The following PCDHA6 variants were observed in gnomAD, a reference collection of about 807,000 sequenced individuals.
PCDHA6 encodes the protein protocadherin alpha-6.
Under a neutral mutation model 60.3 loss-of-function variants are expected in PCDHA6, and 55 were observed. The ratio of observed to expected loss-of-function variants is 0.91; its 90% confidence interval spans 0.73 to 1.14. The LOEUF (loss-of-function observed/expected upper bound fraction) is 1.14, where lower values mean the gene tolerates loss of function less well. PCDHA6 is among the 50% of genes most tolerant of loss of function. The probability of loss-of-function intolerance (pLI) is 0.00; values close to 1 mark genes in which losing one functional copy is unlikely to be tolerated. For synonymous variants in PCDHA6, 652 were observed against 557.9 expected (o/e 1.17, Z -2.38); for missense variants, 1,327 against 1,256.5 (o/e 1.06, Z -0.85).
chr5:140,841,780 G>A (rs2150322576), intron 1 of PCDHA6: 4 of 1,613,890 alleles, frequency 2.5e-6, no homozygotes, highest in East Asian at 2.2e-5. Flanking sequence ...CTCGGTTTCC[G>A]CTAGAGGGCG....
At chr5:140,936,124 C>T (rs2090779585) in intron 1 of PCDHA6, among the ~76,000 whole-genome samples, 1 of 152,130 alleles carries the variant, frequency 6.6e-6, no homozygotes, top group African/African-American at 2.4e-5. Context: ...AACTCCTGAC[C>T]TTAAGTGATC....
At chr5:140,834,495 G>A in intron 1 of PCDHA6, 1 of 1,614,142 alleles carries the variant, frequency 6.2e-7, no homozygotes, top group Non-Finnish European at 8.5e-7. Context: ...GGTCCCCGAG[G>A]AGGCTAAACA....
chr5:140,921,511 C>T (rs1163280621), intron 1 of PCDHA6, among the ~76,000 whole-genome samples: 1 of 152,062 alleles, frequency 6.6e-6, no homozygotes, highest in Non-Finnish European at 1.5e-5. Context: ...TAGTGCCTAA[C>T]CTGAAATAAA....
chr5:140,888,725 T>C (rs1254922405), intron 1 of PCDHA6, among the ~76,000 whole-genome samples: 2 of 152,156 alleles, frequency 1.3e-5, no homozygotes, highest in African/African-American at 4.8e-5. Flanking sequence ...TTTCCAGCCC[T>C]TTGTGAGCTC....
rs2150162331 is a variant in PCDHA6, at chr5:140,829,080, T to C, written c.989T>C (p.Met330Thr). ...GCCACGGACAAAGGCCATCCTCCCA[T>C]GGCGGGTCATTGCACCGTTTTAGTG... ...IDATDKGHPP[M>T]AGHCTVLVRI... Residue 330 changes from methionine (M) to threonine (T), a missense_variant, in exon 1 of 4, where the codon ATG (methionine) becomes ACG (threonine). By Grantham distance (81) the Met-to-Thr change is moderately conservative. Coordinates refer to ENST00000529310, the MANE Select transcript of PCDHA6 (RefSeq NM_018909.4). 15 of 1,611,842 alleles carry C rather than the reference T, an allele frequency of 9.3e-6. No homozygotes were observed. In the African/African-American group the frequency reaches 2.0e-4, roughly 22 times the overall value.
intron 1 of PCDHA6, among the ~76,000 whole-genome samples, chr5:140,972,039 C>A (rs1274808907): frequency 2.6e-5 from 4 of 152,150 alleles, no homozygotes; most frequent in African/African-American, 9.7e-5. Context: ...TTTAAGCTAT[C>A]ACTAATTCAC....
At position 140,829,371 on chromosome 5, in the gene PCDHA6, CG is replaced by C. The variant is rs1770257793; in HGVS notation, c.1281del (p.Arg428GlyfsTer21). ...TCGGCCTATGAGTTGGTGGTAACCG[CG>C]CGGGACGGGGGCTCGCCTTCGCTGT... ...SVSAYELVVT[A>X]RDGGSPSLWA... On this transcript the variant is annotated frameshift_variant, in exon 1 of 4. Coordinates refer to ENST00000529310, the MANE Select transcript of PCDHA6 (RefSeq NM_018909.4). LOFTEE classifies it high-confidence loss of function. The C allele has an allele frequency of 5.6e-6, 9 of 1,614,198 alleles. No homozygotes were observed. The highest frequency in any genetic ancestry group is 6.8e-6 in the Non-Finnish European group (8 of 1,180,050).
intron 1 of PCDHA6, among the ~76,000 whole-genome samples, chr5:140,837,513 T>C (rs1414175460): frequency 1.0e-5 from 1 of 96,810 alleles, no homozygotes. Context: ...CTGAAGCAGT[T>C]TACTTTTTTT....
chr5:140,954,488 T>C (rs1270188262), intron 1 of PCDHA6, among the ~76,000 whole-genome samples: 1 of 152,246 alleles, frequency 6.6e-6, no homozygotes, highest in Non-Finnish European at 1.5e-5. Flanking sequence ...AGATATTTCA[T>C]TGTGGTTTTG....
rs116743674 is a variant in PCDHA6, at chr5:140,927,144, A to G, written c.2395-51805A>G. On this transcript the variant is annotated intron_variant, in intron 1 of 3. Transcript: ENST00000529310. ...TGGTCAGAGAGCCGGCGGACCGCGA[A>G]CAGCTGTGCAGGGCCAAAGCTGCCT... 3.2e-3 allele frequency: 5,191 copies of G among 1,614,096 alleles called. 26 individuals are homozygous for G. The highest frequency in any genetic ancestry group is 0.019 in the African/African-American group (1,449 of 75,034).
In PCDHA6 at chr5:140,936,292, T is replaced by C. The variant is rs74627153; in HGVS notation, c.2395-42657T>C. Among the ~76,000 whole-genome samples the C allele has an allele frequency of 4.3e-3, 649 of 152,348 alleles. 6 individuals are homozygous for C. Among genetic ancestry groups the C allele is most frequent in the African/African-American group, 0.013 (538 of 41,592 alleles). On this transcript the variant is annotated intron_variant, in intron 1 of 3. Transcript: ENST00000529310. Reference sequence around the variant, plus strand: ...TATTCCTGTGTTTTCTTCTATAACATTGCTATCCAATAGAACTTTCTGACA... The same window carrying C: ...TATTCCTGTGTTTTCTTCTATAACACTGCTATCCAATAGAACTTTCTGACA...
rs2058926605 is a variant in PCDHA6, at chr5:140,882,051, AC to A, written c.2394+51567del. The A allele has an allele frequency of 7.9e-6, 6 of 757,556 alleles. No homozygotes were observed. The Admixed American group carries it at 1.6e-4, about 20-fold the overall frequency. 46.9% of individuals were successfully genotyped at this position (757,556 alleles called of 1,614,324 possible). A position where few individuals can be genotyped will look rare whatever the true frequency, so the allele number is the denominator to read the frequency against. ...AAAATATGAAGACTGAGTCATACTT[AC>A]ACTTACACGTTCATGCGCATGGTGT... On this transcript the variant is annotated intron_variant, in intron 1 of 3. Coordinates refer to ENST00000529310, the MANE Select transcript of PCDHA6 (RefSeq NM_018909.4).
At chr5:140,913,734 A>C (rs1408251545) in intron 1 of PCDHA6, among the ~76,000 whole-genome samples, 1 of 152,070 alleles carries the variant, frequency 6.6e-6, no homozygotes, top group African/African-American at 2.4e-5. Context: ...TCCCTCTAAT[A>C]GTACTCCTTT....
At position 140,832,108 on chromosome 5, in the gene PCDHA6, G is replaced by A. The variant is rs1023824002; in HGVS notation, c.2394+1623G>A. The stretch of plus-strand genomic sequence containing the variant: ...TTAAATGCCATGTTCTACATTAAAA[G>A]CAATTTAAAATGTGTGTTTCAAAGT... On this transcript the variant is annotated intron_variant, in intron 1 of 3. Transcript: ENST00000529310. Among the ~76,000 whole-genome samples the A allele has an allele frequency of 1.6e-4, 24 of 152,270 alleles. No homozygotes were observed. The South Asian group carries it at 2.3e-3, about 14-fold the overall frequency.
At chr5:140,967,784 C>T in intron 1 of PCDHA6, 3 of 1,614,174 alleles carry the variant, frequency 1.9e-6, no homozygotes, top group South Asian at 1.1e-5. Context: ...GGCGACTGAC[C>T]GGGGTCCAGT....
At chr5:140,950,219 C>G (rs1173605199) in intron 1 of PCDHA6, among the ~76,000 whole-genome samples, 4 of 151,898 alleles carry the variant, frequency 2.6e-5, no homozygotes, top group African/African-American at 9.7e-5. Flanking sequence ...TAGTCATTTA[C>G]CATTTCTAGT....
chr5:140,927,643 G>A lies in PCDHA6; in HGVS notation c.2395-51306G>A. On this transcript the variant is annotated intron_variant, in intron 1 of 3. Coordinates refer to ENST00000529310, the MANE Select transcript of PCDHA6 (RefSeq NM_018909.4). The stretch of plus-strand genomic sequence containing the variant: ...TCCAGAGACTGCACCCAATGGGACT[G>A]TGTTATTCCGAGTTCAAGCCTTGGA... The A allele has an allele frequency of 3.7e-6, 6 of 1,614,170 alleles. No homozygotes were observed. Among genetic ancestry groups the A allele is most frequent in the South Asian group, 1.1e-5 (1 of 91,088 alleles).
chr5:140,854,867 G>T (rs2043248640), intron 1 of PCDHA6, among the ~76,000 whole-genome samples: 1 of 149,650 alleles, frequency 6.7e-6, no homozygotes, highest in East Asian at 1.9e-4. Context: ...ATATATTTCA[G>T]AACTGTGTCT....
intron 1 of PCDHA6, among the ~76,000 whole-genome samples, chr5:140,948,500 T>C (rs1482428616): frequency 6.6e-6 from 1 of 151,662 alleles, no homozygotes; most frequent in Non-Finnish European, 1.5e-5. Context: ...TCATAGACTT[T>C]CTATTAAAAA....
Sources: allele counts gnomAD v4.1 joint callset (sites outside exome capture counted in the v4.1 genomes callset), GRCh38; gene constraint gnomAD v4.1.1; transcripts MANE v1.5; gene names NCBI Gene and HGNC (gene_info 2026-07-23, HGNC 2026-07-21).